Variants in SLC8A1 observed in about 807,000 individuals in gnomAD.
SLC8A1 encodes sodium/calcium exchanger 1.
SLC8A1 carries 18 observed loss-of-function variants against 68.3 expected under a neutral mutation model. The observed-to-expected ratio is 0.26, with a 90% CI of 0.18 to 0.39. SLC8A1 has a LOEUF of 0.39. Ranked by LOEUF, SLC8A1 falls within the 10% of genes least tolerant of loss-of-function variation. The pLI is 1.00. For missense variants in SLC8A1, 985 were observed against 1,156.7 expected (o/e 0.85, Z 2.15); for synonymous variants, 475 against 415.5 (o/e 1.14, Z -1.74).
At chr2:40,426,573 G>C (rs1696906216) in intron 2 of SLC8A1, among the ~76,000 whole-genome samples, 1 of 151,986 alleles carries the variant, frequency 6.6e-6, no homozygotes, top group Admixed American at 6.6e-5. Flanking sequence ...TAAAAGTCCT[G>C]AACTGCAGAA....
At chr2:40,318,117 C>T (rs539320376) in intron 2 of SLC8A1, among the ~76,000 whole-genome samples, 1 of 152,196 alleles carries the variant, frequency 6.6e-6, no homozygotes, top group Non-Finnish European at 1.5e-5. Context: ...TCTCTCTTTA[C>T]ATCTTAAGCA....
chr2:40,313,243 A>T (rs957014855), intron 2 of SLC8A1, among the ~76,000 whole-genome samples: 15 of 152,098 alleles, frequency 9.9e-5, no homozygotes, highest in African/African-American at 3.6e-4. Flanking sequence ...TAATTATTTT[A>T]AGAGTCATCC....
At chr2:40,281,282 A>C (rs2067480029) in intron 2 of SLC8A1, among the ~76,000 whole-genome samples, 1 of 152,182 alleles carries the variant, frequency 6.6e-6, no homozygotes, top group South Asian at 2.1e-4. Flanking sequence ...GCTCTGAGAA[A>C]TGTGCTCTCA....
chr2:40,358,244 A>T (rs778720472), intron 2 of SLC8A1, among the ~76,000 whole-genome samples: 2 of 150,122 alleles, frequency 1.3e-5, no homozygotes, highest in African/African-American at 2.5e-5. Flanking sequence ...AATGCAGATA[A>T]TTTTTAAAAT....
intron 2 of SLC8A1, among the ~76,000 whole-genome samples, chr2:40,216,012 C>CTTTTTTT (rs61623694): frequency 0.012 from 1,664 of 143,744 alleles, 14 homozygotes; most frequent in Middle Eastern, 0.026. Flanking sequence ...CCAGTGTATG[C>CTTTTTTT]TTTTTTTTTT....
At chr2:40,149,443 C>T (rs549044012) in intron 6 of SLC8A1, among the ~76,000 whole-genome samples, 16 of 152,160 alleles carry the variant, frequency 1.1e-4, no homozygotes, top group South Asian at 4.2e-4. Flanking sequence ...ACTGGGAGGC[C>T]GAGAAACCCC....
At chr2:40,287,619 T>TGTGTGTGTGTGTGTGTGTGTGC (rs1218621116) in intron 2 of SLC8A1, among the ~76,000 whole-genome samples, 9 of 148,390 alleles carry the variant, frequency 6.1e-5, no homozygotes, top group South Asian at 2.1e-4. Context: ...TGTGTGTGTG[T>TGTGTGTGTGTGTGTGTGTGTGC]GCATGCAGGG....
chr2:40,494,118 A>G (rs1705518966), intron 1 of SLC8A1, among the ~76,000 whole-genome samples: 1 of 151,840 alleles, frequency 6.6e-6, no homozygotes, highest in Non-Finnish European at 1.5e-5. Flanking sequence ...GCATTTTGTA[A>G]TAATAATAAT....
At chr2:40,311,143 A>G (rs1343282096) in intron 2 of SLC8A1, among the ~76,000 whole-genome samples, 1 of 152,116 alleles carries the variant, frequency 6.6e-6, no homozygotes, top group Non-Finnish European at 1.5e-5. Flanking sequence ...AAAGAAATGA[A>G]TGAGGTCCCC....
intron 2 of SLC8A1, among the ~76,000 whole-genome samples, chr2:40,385,142 A>G (rs1683145203): frequency 6.6e-6 from 1 of 152,088 alleles, no homozygotes; most frequent in South Asian, 2.1e-4. Context: ...TTAATTGCAA[A>G]TAGTACGGTC....
chr2:40,222,467 C>G (rs1402559936), intron 2 of SLC8A1, among the ~76,000 whole-genome samples: 1 of 152,106 alleles, frequency 6.6e-6, no homozygotes, highest in Non-Finnish European at 1.5e-5. Flanking sequence ...TAGGCATGGG[C>G]AAAGACTTCA....
Position 40,467,041 on chromosome 2 carries a change from GA to G in SLC8A1, c.-24-36738del, listed in dbSNP as rs571300912. ...AGAGCTTTAAAAGATGGATTAATTTGAGAGTGAAATCCCACCTGGTGCACAC... is the reference window on the plus strand; with the variant it reads ...AGAGCTTTAAAAGATGGATTAATTTGGAGTGAAATCCCACCTGGTGCACAC... On this transcript the variant is annotated intron_variant, in intron 1 of 7. Coordinates refer to the SLC8A1 transcript ENST00000402441. 6.3e-4 allele frequency among the ~76,000 whole-genome samples: 95 copies of G among 151,546 alleles called. 1 individual carries two copies. Among genetic ancestry groups the G allele is most frequent in the South Asian group, 1.2e-3 (6 of 4,804 alleles).
chr2:40,236,255 C>G (rs1345638516), intron 2 of SLC8A1, among the ~76,000 whole-genome samples: 59 of 151,174 alleles, frequency 3.9e-4, no homozygotes, highest in African/African-American at 1.2e-3. Flanking sequence ...GAAGGTCACT[C>G]AGGACTTGCT....
At chr2:40,405,928 A>AAAAT (rs1690188315) in intron 2 of SLC8A1, among the ~76,000 whole-genome samples, 1 of 152,208 alleles carries the variant, frequency 6.6e-6, no homozygotes, top group Non-Finnish European at 1.5e-5. Context: ...GATTAGCATG[A>AAAAT]CTTTGAAAAA....
intron 1 of SLC8A1, among the ~76,000 whole-genome samples, chr2:40,478,716 G>C (rs1214926959): frequency 6.6e-6 from 1 of 150,920 alleles, no homozygotes; most frequent in Non-Finnish European, 1.5e-5. Flanking sequence ...CTTTCTGAAG[G>C]AAATTTATAT....
chr2:40,402,584 T>C (rs1243525122), intron 2 of SLC8A1, among the ~76,000 whole-genome samples: 5 of 152,208 alleles, frequency 3.3e-5, no homozygotes, highest in Non-Finnish European at 5.9e-5. Context: ...ACTGTAGGCT[T>C]TTATTGATTG....
chr2:40,342,625 T>C (rs13387226), intron 2 of SLC8A1, among the ~76,000 whole-genome samples: 16,557 of 152,150 alleles, frequency 0.11, 2,374 homozygotes, highest in African/African-American at 0.33. Flanking sequence ...TGTTAGATAG[T>C]TTATGATGAC....
At chr2:40,254,554 T>G (rs1200432951) in intron 2 of SLC8A1, 10 of 151,996 alleles carry the variant, frequency 6.6e-5, no homozygotes, top group Non-Finnish European at 8.8e-5. Flanking sequence ...CTTGAACTCT[T>G]GAAAATATCA....
chr2:40,428,643 C>T (rs1697515408), exon 2 of SLC8A1: 2 of 1,613,830 alleles, frequency 1.2e-6, no homozygotes, highest in Non-Finnish European at 1.7e-6. Flanking sequence ...TCACATGAGT[C>T]ACAGGTTCCT....
Sources: allele counts gnomAD v4.1 joint callset (sites outside exome capture counted in the v4.1 genomes callset), GRCh38; gene constraint gnomAD v4.1.1; transcripts MANE v1.5; gene names NCBI Gene and HGNC (gene_info 2026-07-23, HGNC 2026-07-21).